NOTCH4: variants seen among roughly 807,000 people sequenced by gnomAD.
NOTCH4 encodes neurogenic locus notch homolog protein 4.
In NOTCH4, 138 loss-of-function variants were observed where a neutral mutation model predicts 189.0. The ratio of observed to expected loss-of-function variants is 0.73; its 90% CI spans 0.64 to 0.84. NOTCH4 has a LOEUF of 0.84. NOTCH4 is among the 40% of genes least tolerant of loss of function. NOTCH4 has a pLI of 0.00. For synonymous variants in NOTCH4, 942 were observed against 1,032.8 expected (o/e 0.91, Z 1.69); for missense variants, 2,286 against 2,605.4 (o/e 0.88, Z 2.67).
rs969433754 is a variant in NOTCH4, at chr6:32,210,588, T to G, written c.2865+164A>C. Among the ~76,000 whole-genome samples the G allele has an allele frequency of 6.6e-6, 1 of 152,086 alleles. No homozygotes were observed. Among genetic ancestry groups the G allele is most frequent in the Non-Finnish European group, 1.5e-5 (1 of 68,010 alleles). On this transcript the variant is annotated intron_variant, in intron 18 of 29. Transcript: ENST00000375023. The surrounding 1 kb of genome is among the most constrained non-coding windows in gnomAD (Gnocchi z 4.8). Reference sequence around the variant, plus strand: ...GGTGAAAGCACAGACTTGAGAAAACTTCAGGAGATAAAGTGGCATGACTTT... The same window carrying G: ...GGTGAAAGCACAGACTTGAGAAAACGTCAGGAGATAAAGTGGCATGACTTT...
At chr6:32,218,284 C>T (rs1371856186) in intron 8 of NOTCH4, among the ~76,000 whole-genome samples, 176 bp from the exon 9 acceptor site, 2 of 152,176 alleles carry the variant, frequency 1.3e-5, no homozygotes, top group Non-Finnish European at 2.9e-5. Context: ...CAGTGTGTGG[C>T]CCTGCTCCTT....
intron 3 of NOTCH4, 132 bp downstream of exon 3, chr6:32,222,379 G>T: frequency 1.4e-6 from 1 of 727,760 alleles, no homozygotes; most frequent in Non-Finnish European, 2.1e-6. Context: ...GCCAAGAATT[G>T]GCATGTTGAT....
chr6:32,222,508 T>C lies in NOTCH4; in HGVS notation c.451+3A>G, dbSNP rs530425257. The C allele has an allele frequency of 6.6e-6, 10 of 1,522,386 alleles. No individual in the cohort carries two copies. In the East Asian group the frequency reaches 2.1e-4, roughly 32 times the overall value. The allele number at this position is 1,522,386 out of a possible 1,614,324, so 94.3% of individuals were successfully genotyped here. The stretch of plus-strand genomic sequence containing the variant: ...CCTCCTGGCTGCCCCCAGCAGCGCT[T>C]ACCTGTCCATCCAGGCATGCAGGAG... On this transcript the variant is annotated splice_donor_region_variant and intron_variant, in intron 3 of 29. Transcript: ENST00000375023.
chr6:32,221,488 C>T lies in NOTCH4; in HGVS notation c.452-163G>A, dbSNP rs764231291. On this transcript the variant is annotated intron_variant, in intron 3 of 29. Transcript: ENST00000375023. The surrounding 1 kb of genome is among the most constrained non-coding windows in gnomAD (Gnocchi z 4.3). Reference sequence around the variant, plus strand: ...TCTGTTCCATCACCCCTGCTCTGAGCGATGTCATGGCTTGGGAGGGTTTAT... The same window carrying T: ...TCTGTTCCATCACCCCTGCTCTGAGTGATGTCATGGCTTGGGAGGGTTTAT... 1.3e-5 allele frequency among the ~76,000 whole-genome samples: 2 copies of T among 152,148 alleles called. No homozygotes were observed. The highest frequency in any genetic ancestry group is 2.1e-4 in the South Asian group (1 of 4,834).
At position 32,199,274 on chromosome 6, in the gene NOTCH4, A is replaced by G. The variant is rs958891066; in HGVS notation, c.4316-129T>C. ...CCTTATCTGCAAAATGGGGATGATA[A>G]TATAGATTGAGGTTGGGCACAGTGG... On this transcript the variant is annotated intron_variant, in intron 23 of 29. Coordinates refer to ENST00000375023, the MANE Select transcript of NOTCH4 (RefSeq NM_004557.4). The surrounding 1 kb of genome is among the most constrained non-coding windows in gnomAD (Gnocchi z 4.9). 5.4e-5 allele frequency: 37 copies of G among 679,482 alleles called. No individual in the cohort carries two copies. The highest frequency in any genetic ancestry group is 4.8e-5 in the Non-Finnish European group (20 of 413,162). The allele number at this position is 679,482 out of a possible 1,614,324, so 42.1% of individuals were successfully genotyped here.
At chr6:32,223,327 G>A (rs994096712) in intron 1 of NOTCH4, among the ~76,000 whole-genome samples, 3 of 151,896 alleles carry the variant, frequency 2.0e-5, no homozygotes, top group Non-Finnish European at 4.4e-5. Context: ...GTCCAGCCTC[G>A]GACTCCATCT....
At chr6:32,197,138 A>G (rs530633372) in intron 27 of NOTCH4, 66 bp from the exon 28 acceptor site, 6 of 1,572,248 alleles carry the variant, frequency 3.8e-6, no homozygotes, top group South Asian at 1.1e-5. Flanking sequence ...TCCTTACACT[A>G]TTAACCCCAC....
In NOTCH4 at chr6:32,201,508, G is replaced by A; in HGVS notation, c.3756-8C>T. ...TACTGGTCATAGGCTGGACTGTGGG[G>A]TAAGGAGAGGGGGACTCAGGACCTC... On this transcript the variant is annotated splice_polypyrimidine_tract_variant and splice_region_variant and intron_variant, in intron 21 of 29. Coordinates refer to ENST00000375023, the MANE Select transcript of NOTCH4 (RefSeq NM_004557.4). The surrounding 1 kb of genome is among the most constrained non-coding windows in gnomAD (Gnocchi z 5.5). 1 of 1,470,918 alleles carries A rather than the reference G, an allele frequency of 6.8e-7. No individual in the cohort carries two copies. Among genetic ancestry groups the A allele is most frequent in the East Asian group, 2.4e-5 (1 of 41,966 alleles). The allele number at this position is 1,470,918 out of a possible 1,614,324, so 91.1% of individuals were successfully genotyped here. A position where few individuals can be genotyped will look rare whatever the true frequency, so the allele number is the denominator to read the frequency against.
chr6:32,215,454 C>G, intron 11 of NOTCH4, 69 bp from the exon 12 acceptor site: 2 of 1,460,612 alleles, frequency 1.4e-6, no homozygotes, highest in South Asian at 2.7e-5. Flanking sequence ...AAGCCACATC[C>G]TTCATTGGGC....
chr6:32,218,203 C>T, intron 8 of NOTCH4, 95 bp from the exon 9 acceptor site: 1 of 777,080 alleles, frequency 1.3e-6, no homozygotes, highest in African/African-American at 1.7e-5. Context: ...TTGCCCCACT[C>T]AGGCGGTCCT....
In NOTCH4 at chr6:32,194,872, G is replaced by C. The variant is rs1787752105; in HGVS notation, c.*565C>G. 1 of 233,364 alleles carries C rather than the reference G, an allele frequency of 4.3e-6. No individual in the cohort carries two copies. Among genetic ancestry groups the C allele is most frequent in the Admixed American group, 5.6e-5 (1 of 17,790 alleles). 14.5% of individuals were successfully genotyped at this position (233,364 alleles called of 1,614,324 possible). On this transcript the variant is annotated 3_prime_UTR_variant, in exon 30 of 30. Transcript: ENST00000375023. The surrounding 1 kb of genome is among the most constrained non-coding windows in gnomAD (Gnocchi z 4.5). ...ACTTCAAATCAGCTTTATTATGGGT[G>C]ACAGATTTAGGGTTCTTAAATAGCG...
At chr6:32,211,739 G>A (rs1582803490) in intron 17 of NOTCH4, among the ~76,000 whole-genome samples, 1 of 152,284 alleles carries the variant, frequency 6.6e-6, no homozygotes, top group African/African-American at 2.4e-5. Context: ...GGTGGAGACT[G>A]GTCTGGGCCC....
chr6:32,215,294 A>G lies in NOTCH4; in HGVS notation c.1953T>C (p.Cys651=). Residue 651 remains cysteine (C), a synonymous_variant, in exon 12 of 30, where the codon TGT becomes TGC. Transcript: ENST00000375023. ...GGGCACAGCCAGGGCTTCCATCAGG[A>G]CAGAGGCAGTTGGCCTTGTCTTTCT... The part of the protein sequence containing the change: ...KDQKDKANCL[C]PDGSPGCAPP... 6.2e-7 allele frequency: 1 copy of G among 1,607,862 alleles called. No homozygotes were observed. The highest frequency in any genetic ancestry group is 1.7e-5 in the Admixed American group (1 of 58,950).
At chr6:32,222,428 A>G in intron 3 of NOTCH4, 83 bp downstream of exon 3, 2 of 1,259,708 alleles carry the variant, frequency 1.6e-6, no homozygotes, top group Non-Finnish European at 1.0e-6. Context: ...GCAGTTTCTC[A>G]GGCTCCAGTT....
chr6:32,210,857 A>G lies in NOTCH4; in HGVS notation c.2760T>C (p.Pro920=), dbSNP rs1188077225. The part of the protein sequence containing the change: ...SGPSYFCHCP[P]GFQGSLCQDH... ...CCTGGCACAGGCTGCCTTGGAATCC[A>G]GGGGGGCAGTGGCAGAAATAGGAGG... The change falls in exon 18 of 30, where the codon CCT becomes CCC. Residue 920 remains proline, a synonymous_variant. Coordinates refer to ENST00000375023, the MANE Select transcript of NOTCH4 (RefSeq NM_004557.4). This position sits in a 1 kb window ranked among gnomAD's most constrained non-coding sequence, Gnocchi z 4.8. The G allele has an allele frequency of 4.4e-5, 71 of 1,612,770 alleles. No individual in the cohort carries two copies. The highest frequency in any genetic ancestry group is 5.3e-5 in the Non-Finnish European group (62 of 1,179,954).
intron 18 of NOTCH4, among the ~76,000 whole-genome samples, chr6:32,204,871 C>T (rs903988490): frequency 6.6e-6 from 1 of 152,064 alleles, no homozygotes; most frequent in African/African-American, 2.4e-5. Context: ...CCTAAAAATC[C>T]CCCTAATGAC....
intron 11 of NOTCH4, chr6:32,216,545 G>A (rs1193653712): frequency 1.9e-5 from 6 of 314,998 alleles, no homozygotes; most frequent in Admixed American, 4.6e-5. Flanking sequence ...CACCTCTGTG[G>A]GCTATGATCA....
chr6:32,199,563 G>A lies in NOTCH4; in HGVS notation c.4316-418C>T, dbSNP rs1033464197. Among the ~76,000 whole-genome samples the A allele has an allele frequency of 1.3e-5, 2 of 152,252 alleles. No individual in the cohort carries two copies. The highest frequency in any genetic ancestry group is 6.8e-3 in the Middle Eastern group (2 of 294). On this transcript the variant is annotated intron_variant, in intron 23 of 29. Transcript: ENST00000375023. This position sits in a 1 kb window ranked among gnomAD's most constrained non-coding sequence, Gnocchi z 4.9. ...ACTAAAAATACAAAAAATTAGCCAGGTGTGGTGGCGGGCACCTGTAGTCCC... is the reference window on the plus strand; with the variant it reads ...ACTAAAAATACAAAAAATTAGCCAGATGTGGTGGCGGGCACCTGTAGTCCC...
At position 32,223,101 on chromosome 6, in the gene NOTCH4, G is replaced by A; in HGVS notation, c.74-15C>T. 2 of 1,609,474 alleles carry A rather than the reference G, an allele frequency of 1.2e-6. No individual in the cohort carries two copies. The highest frequency in any genetic ancestry group is 1.7e-6 in the Non-Finnish European group (2 of 1,175,994). On this transcript the variant is annotated splice_polypyrimidine_tract_variant and intron_variant, in intron 1 of 29. Transcript: ENST00000375023. ...ACACAGCAGCCCTGAGGGTGGAGAG[G>A]CAGGCGCAATGGAAGCCCTGGGTGC...
Sources: gnomAD v4.1 joint callset for allele counts (sites outside exome capture counted in the v4.1 genomes callset) on GRCh38, gnomAD v4.1.1 for gene constraint, Gnocchi (gnomAD v3.1) non-coding constraint, MANE v1.5 for transcripts, NCBI Gene and HGNC (gene_info 2026-07-23, HGNC 2026-07-21) for gene names.